PRKCH: variants seen among roughly 807,000 people sequenced by gnomAD.
The protein encoded by PRKCH is protein kinase C eta, also known as protein kinase C eta type.
Under a neutral mutation model 82.5 loss-of-function variants are expected in PRKCH, and 28 were observed. The ratio of observed to expected loss-of-function variants is 0.34; its 90% CI spans 0.25 to 0.47. The LOEUF (loss-of-function observed/expected upper bound fraction) is 0.47. Among genes scored for constraint, PRKCH ranks in the 20% least tolerant of loss-of-function variants. The probability of loss-of-function intolerance (pLI) is 1.00; values close to 1 mark genes in which losing one functional copy is unlikely to be tolerated. For missense variants in PRKCH, 705 were observed against 881.8 expected, an observed-to-expected ratio of 0.80 and a Z score of 2.54; for synonymous variants, 322 against 327.4, an observed-to-expected ratio of 0.98 and a Z score of 0.18.
chr14:61,493,763 G>A (rs953300122), intron 10 of PRKCH, among the ~76,000 whole-genome samples: 1 of 151,860 alleles, frequency 6.6e-6, no homozygotes, highest in African/African-American at 2.4e-5. Context: ...GTAAGCAGCA[G>A]CCAGGTTGCA....
At chr14:61,374,566 C>A (rs2046405502) in intron 1 of PRKCH, among the ~76,000 whole-genome samples, 1 of 152,078 alleles carries the variant, frequency 6.6e-6, no homozygotes, top group South Asian at 2.1e-4. Flanking sequence ...CAACTCTTGC[C>A]TTCTGTACAC....
chr14:61,542,683 G>A (rs951163958), intron 12 of PRKCH, among the ~76,000 whole-genome samples: 18 of 152,206 alleles, frequency 1.2e-4, no homozygotes, highest in Admixed American at 3.9e-4. Context: ...ACCTCAGAGT[G>A]TAGTCTCTCA....
At chr14:61,192,712 T>C (rs2044414342) in intron 1 of PRKCH, among the ~76,000 whole-genome samples, 1 of 152,232 alleles carries the variant, frequency 6.6e-6, no homozygotes, top group Non-Finnish European at 1.5e-5. Flanking sequence ...TTAGCATCTA[T>C]AGTAGATGGT....
chr14:61,257,536 A>G (rs1045644576), intron 1 of PRKCH, among the ~76,000 whole-genome samples: 3 of 151,786 alleles, frequency 2.0e-5, no homozygotes, highest in African/African-American at 7.3e-5. Flanking sequence ...ATTTACAATA[A>G]ATCACATTTA....
intron 1 of PRKCH, among the ~76,000 whole-genome samples, chr14:61,377,979 G>A (rs28460777): frequency 0.14 from 21,248 of 152,086 alleles, 1,948 homozygotes; most frequent in African/African-American, 0.25. Context: ...AGCTCTTTCT[G>A]TGTTTTGCCT....
At chr14:61,497,396 T>C (rs1886717038) in intron 10 of PRKCH, among the ~76,000 whole-genome samples, 1 of 152,206 alleles carries the variant, frequency 6.6e-6, no homozygotes, top group Non-Finnish European at 1.5e-5. Context: ...GAGCCTGGTA[T>C]GTAGTACATG....
intron 1 of PRKCH, among the ~76,000 whole-genome samples, chr14:61,381,020 G>C (rs759473691): frequency 7.2e-5 from 11 of 152,294 alleles, no homozygotes; most frequent in Non-Finnish European, 1.5e-4. Flanking sequence ...GAGCCATAAG[G>C]ATGTATTTTA....
intron 1 of PRKCH, among the ~76,000 whole-genome samples, chr14:61,312,937 T>A (rs951228722): frequency 6.6e-6 from 1 of 152,188 alleles, no homozygotes; most frequent in African/African-American, 2.4e-5. Context: ...AACATTAAGA[T>A]CATTTGAATT....
Position 61,547,943 on chromosome 14 carries a change from A to G in PRKCH, c.1905+57A>G. 6 of 1,584,924 alleles carry G rather than the reference A, an allele frequency of 3.8e-6. No individual in the cohort carries two copies. In the South Asian group the frequency reaches 6.9e-5, roughly 18 times the overall value. On this transcript the variant is annotated intron_variant, in intron 13 of 13. Transcript: ENST00000332981. ...CTTTCTTCAGATGTCACAGCATTCCACCAAAGTCCGTAGAAGAGCTGGATG... is the reference window on the plus strand; with the variant it reads ...CTTTCTTCAGATGTCACAGCATTCCGCCAAAGTCCGTAGAAGAGCTGGATG...
intron 1 of PRKCH, among the ~76,000 whole-genome samples, chr14:61,223,718 A>G (rs529223372): frequency 3.9e-5 from 6 of 152,314 alleles, no homozygotes; most frequent in Non-Finnish European, 7.4e-5. Flanking sequence ...TCTGCTTGCC[A>G]TGGAACTGTC....
intron 1 of PRKCH, chr14:61,347,761 G>A (rs2046015155): frequency 6.6e-6 from 1 of 152,532 alleles, no homozygotes; most frequent in Admixed American, 6.5e-5. Flanking sequence ...ATTGGCAGAT[G>A]TGAGGTGTCA....
intron 9 of PRKCH, among the ~76,000 whole-genome samples, chr14:61,459,727 C>T (rs1190438274): frequency 3.3e-5 from 5 of 152,150 alleles, no homozygotes; most frequent in South Asian, 2.1e-4. Context: ...TTATTTATAG[C>T]CTTTGAGAGA....
chr14:61,219,512 G>T (rs897586500), intron 1 of PRKCH, among the ~76,000 whole-genome samples: 2 of 152,158 alleles, frequency 1.3e-5, no homozygotes, highest in Non-Finnish European at 2.9e-5. Context: ...ACTTTGACCA[G>T]GTGAGGAGTT....
chr14:61,232,741 C>T (rs1232411323), intron 1 of PRKCH, among the ~76,000 whole-genome samples: 1 of 152,126 alleles, frequency 6.6e-6, no homozygotes, highest in Non-Finnish European at 1.5e-5. Context: ...TTGATTAAAT[C>T]ATTGACCATT....
At chr14:61,271,066 A>C (rs2045148534) in intron 1 of PRKCH, among the ~76,000 whole-genome samples, 1 of 152,208 alleles carries the variant, frequency 6.6e-6, no homozygotes, top group African/African-American at 2.4e-5. Flanking sequence ...TAAATTCTCC[A>C]GACTGTTATT....
At chr14:61,359,091 A>C (rs1319182010) in intron 1 of PRKCH, among the ~76,000 whole-genome samples, 2 of 152,076 alleles carry the variant, frequency 1.3e-5, no homozygotes, top group African/African-American at 4.8e-5. Context: ...GTGTCATTCC[A>C]CCTCATATTT....
At chr14:61,518,084 A>T (rs2042852211) in intron 10 of PRKCH, among the ~76,000 whole-genome samples, 1 of 152,178 alleles carries the variant, frequency 6.6e-6, no homozygotes, top group Non-Finnish European at 1.5e-5. Flanking sequence ...TGGCTGTTTT[A>T]TGCCCTTTGG....
intron 1 of PRKCH, among the ~76,000 whole-genome samples, chr14:61,355,857 T>A (rs2046140559): frequency 6.6e-6 from 1 of 152,208 alleles, no homozygotes; most frequent in Non-Finnish European, 1.5e-5. Context: ...TCAGTCTGAA[T>A]TTAGAAGTGT....
At chr14:61,329,011 A>C (rs1050609378) in intron 1 of PRKCH, among the ~76,000 whole-genome samples, 2 of 151,654 alleles carry the variant, frequency 1.3e-5, no homozygotes, top group African/African-American at 4.8e-5. Context: ...CTGAAAAAAC[A>C]GTCAACTAGA....
Sources: allele counts gnomAD v4.1 joint callset (sites outside exome capture counted in the v4.1 genomes callset), GRCh38; gene constraint gnomAD v4.1.1; transcripts MANE v1.5; gene names NCBI Gene and HGNC (gene_info 2026-07-23, HGNC 2026-07-21).